Variants in MAPK1IP1L observed in about 807,000 individuals in gnomAD.
MAPK1IP1L encodes MAPK-interacting and spindle-stabilizing protein-like.
In MAPK1IP1L, 10 loss-of-function variants were observed where a neutral mutation model predicts 18.1. That is an observed-to-expected ratio of 0.55 (90% CI 0.34 to 0.94). The LOEUF (loss-of-function observed/expected upper bound fraction) is 0.94. Ranked by LOEUF, MAPK1IP1L falls within the 40% of genes least tolerant of loss-of-function variation. The pLI, the probability that MAPK1IP1L is intolerant of heterozygous loss-of-function variation, is 0.02. For missense variants in MAPK1IP1L, 260 were observed against 318.2 expected, an observed-to-expected ratio of 0.82 and a Z score of 1.39; for synonymous variants, 115 against 117.3, an observed-to-expected ratio of 0.98 and a Z score of 0.13.
rs141925702 is a variant in MAPK1IP1L at position 55,057,670 on chromosome 14, C to T, written c.-4-4010C>T. On this transcript the variant is annotated intron_variant, in intron 1 of 3. Transcript: ENST00000395468. ...ACTCAGGAGACTGAGGCACGAGAAT[C>T]GCTTAAACTGAGGAGGCGGAGGTTA... Among the ~76,000 whole-genome samples, 360 of 151,814 alleles carry T rather than the reference C, an allele frequency of 2.4e-3. 2 individuals carry two copies. The highest frequency in any genetic ancestry group is 8.4e-3 in the African/African-American group (346 of 41,356).
At chr14:55,061,412 A>G (rs2042817232) in intron 1 of MAPK1IP1L, among the ~76,000 whole-genome samples, 1 of 152,220 alleles carries the variant, frequency 6.6e-6, no homozygotes, top group African/African-American at 2.4e-5. Flanking sequence ...ATCATACTTA[A>G]AACAACTTAT....
At chr14:55,058,948 C>T (rs1566762665) in intron 1 of MAPK1IP1L, among the ~76,000 whole-genome samples, 4 of 151,450 alleles carry the variant, frequency 2.6e-5, no homozygotes, top group Admixed American at 6.6e-5. Flanking sequence ...ATGATTTATA[C>T]GGGAAGATGT....
intron 1 of MAPK1IP1L, among the ~76,000 whole-genome samples, chr14:55,052,302 C>T (rs139758400): frequency 9.5e-4 from 144 of 152,296 alleles, no homozygotes; most frequent in African/African-American, 3.3e-3. Flanking sequence ...AGGGAAAGGC[C>T]TGAAAAGATT....
intron 1 of MAPK1IP1L, among the ~76,000 whole-genome samples, chr14:55,054,203 G>T (rs2042752925): frequency 1.4e-5 from 2 of 145,330 alleles, no homozygotes; most frequent in African/African-American, 5.1e-5. Flanking sequence ...TTTGGAGACG[G>T]AGTCGCTTAC....
At chr14:55,053,578 C>T (rs189615401) in intron 1 of MAPK1IP1L, among the ~76,000 whole-genome samples, 2 of 152,248 alleles carry the variant, frequency 1.3e-5, no homozygotes, top group Admixed American at 6.5e-5. Flanking sequence ...TCAGATGAGC[C>T]GACTTTTAGT....
intron 1 of MAPK1IP1L, among the ~76,000 whole-genome samples, chr14:55,059,225 G>GAAAAAAAAAAAAAAAAAAAAAAAAACA (rs3078612): frequency 4.7e-5 from 3 of 63,280 alleles, no homozygotes; most frequent in Non-Finnish European, 6.1e-5. Context: ...AGGAAAATCT[G>GAAAAAAAAAAAAAAAAAAAAAAAAACA]AAAAAAAAAA....
At chr14:55,056,105 G>A (rs1174998112) in intron 1 of MAPK1IP1L, among the ~76,000 whole-genome samples, 5 of 152,164 alleles carry the variant, frequency 3.3e-5, no homozygotes, top group African/African-American at 1.2e-4. Flanking sequence ...AACAGAACTT[G>A]TTACTAATTC....
At position 55,063,260 on chromosome 14, in the gene MAPK1IP1L, C is replaced by T; in HGVS notation, c.661C>T (p.Pro221Ser). Residue 221 changes from proline to serine, a missense_variant, in exon 3 of 4, where the codon CCC (proline) becomes TCC (serine). By Grantham distance (74) the Pro-to-Ser change is moderately conservative. Transcript: ENST00000395468. ...TCCCACACCAGGACTCTATCCTACT[C>T]CCAGTAATCCTTTCCAAGTGCCTTC... ...SYPTPGLYPT[P>S]SNPFQVPSGP... 4 of 1,614,190 alleles carry T rather than the reference C, an allele frequency of 2.5e-6. No individual in the cohort carries two copies. The South Asian group carries it at 3.3e-5, about 13-fold the overall frequency.
In MAPK1IP1L at chr14:55,066,418, C is replaced by T. The variant is rs1233296915; in HGVS notation, c.*1791C>T. On this transcript the variant is annotated 3_prime_UTR_variant, in exon 4 of 4. Coordinates refer to ENST00000395468, the MANE Select transcript of MAPK1IP1L (RefSeq NM_144578.4). ...GTTAGCTTTTTCTTTCACTTCTCTT[C>T]AAGGACAGGTGTTAGCTGTCTACAA... 2 of 140,064 alleles carry T rather than the reference C, an allele frequency of 1.4e-5. No individual in the cohort carries two copies. The highest frequency in any genetic ancestry group is 3.1e-5 in the Non-Finnish European group (2 of 64,894). 8.7% of individuals were successfully genotyped at this position (140,064 alleles called of 1,614,324 possible).
chr14:55,065,994 C>T lies in MAPK1IP1L; in HGVS notation c.*1367C>T, dbSNP rs1157646682. 6.6e-6 allele frequency: 1 copy of T among 151,476 alleles called. No homozygotes were observed. Among genetic ancestry groups the T allele is most frequent in the Non-Finnish European group, 1.5e-5 (1 of 67,942 alleles). The allele number at this position is 151,476 out of a possible 1,614,324, so 9.4% of individuals were successfully genotyped here. ...TTTATAACCACCAAAAAAAAAAAGC[C>T]CTGGTAGTTTTTTGGCACCTTATGT... On this transcript the variant is annotated 3_prime_UTR_variant, in exon 4 of 4. Transcript: ENST00000395468.
intron 1 of MAPK1IP1L, among the ~76,000 whole-genome samples, chr14:55,060,034 C>T (rs972427457): frequency 3.3e-5 from 5 of 151,410 alleles, no homozygotes; most frequent in African/African-American, 1.2e-4. Context: ...AAATATATCA[C>T]AAAATCCAGA....
rs946229856 is a variant in MAPK1IP1L at position 55,068,084 on chromosome 14, T to G, written c.*3457T>G. 18 of 152,236 alleles carry G rather than the reference T, an allele frequency of 1.2e-4. No homozygotes were observed. The highest frequency in any genetic ancestry group is 4.3e-4 in the African/African-American group (18 of 41,456). The allele number at this position is 152,236 out of a possible 1,614,324, so 9.4% of individuals were successfully genotyped here. ...CTTTTCATGCTTTTGAAGACACCAT[T>G]TACAGCTCTGACTCAGCCCTATTTT... On this transcript the variant is annotated 3_prime_UTR_variant, in exon 4 of 4. Transcript: ENST00000395468.
chr14:55,057,088 TTAAAAA>T (rs1319172721), intron 1 of MAPK1IP1L, among the ~76,000 whole-genome samples: 2 of 152,198 alleles, frequency 1.3e-5, no homozygotes, highest in African/African-American at 4.8e-5. Flanking sequence ...TAGGCATAAA[TTAAAAA>T]TAATGTAATT....
rs968363555 is a variant in MAPK1IP1L, at chr14:55,067,209, T to A, written c.*2582T>A. On this transcript the variant is annotated 3_prime_UTR_variant, in exon 4 of 4. Transcript: ENST00000395468. ...GTGAGCCACCACGTCCGGCCGATTT[T>A]TTTTTTTTTTTTTAATGTAAGAATG... 2.7e-5 allele frequency: 4 copies of A among 147,678 alleles called. No homozygotes were observed. The highest frequency in any genetic ancestry group is 9.9e-5 in the African/African-American group (4 of 40,288). 9.1% of individuals were successfully genotyped at this position (147,678 alleles called of 1,614,324 possible). A position where few individuals can be genotyped will look rare whatever the true frequency, so the allele number is the denominator to read the frequency against.
rs549432817 is a variant in MAPK1IP1L at position 55,069,809 on chromosome 14, G to A, written c.*5182G>A. Reference sequence around the variant, plus strand: ...TGGTAACCAGATTATCCGTATATATGATAATATGAAGTCAGGGAACTTTCT... The same window carrying A: ...TGGTAACCAGATTATCCGTATATATAATAATATGAAGTCAGGGAACTTTCT... On this transcript the variant is annotated 3_prime_UTR_variant, in exon 4 of 4. Transcript: ENST00000395468. 7 of 152,218 alleles carry A rather than the reference G, an allele frequency of 4.6e-5. No homozygotes were observed. Among genetic ancestry groups the A allele is most frequent in the African/African-American group, 1.7e-4 (7 of 41,542 alleles). 9.4% of individuals were successfully genotyped at this position (152,218 alleles called of 1,614,324 possible).
rs950602833 is a variant in MAPK1IP1L, at chr14:55,064,679, G to A, written c.*52G>A. The A allele has an allele frequency of 3.2e-6, 5 of 1,556,904 alleles. No homozygotes were observed. Among genetic ancestry groups the A allele is most frequent in the Non-Finnish European group, 3.5e-6 (4 of 1,133,876 alleles). On this transcript the variant is annotated 3_prime_UTR_variant, in exon 4 of 4. Coordinates refer to ENST00000395468, the MANE Select transcript of MAPK1IP1L (RefSeq NM_144578.4). Reference sequence around the variant, plus strand: ...TTTGCTTTTTGAAGTACATGTATATGCACATGAATGCATATATAAAAATTG... The same window carrying A: ...TTTGCTTTTTGAAGTACATGTATATACACATGAATGCATATATAAAAATTG...
chr14:55,052,916 A>C (rs2042742232), intron 1 of MAPK1IP1L, among the ~76,000 whole-genome samples: 1 of 152,234 alleles, frequency 6.6e-6, no homozygotes. Context: ...GAATTCAAAA[A>C]TACTTGGATT....
Position 55,063,125 on chromosome 14 carries a change from GCTC to G in MAPK1IP1L, c.537_539del (p.Pro180del), listed in dbSNP as rs753230397. 8.7e-6 allele frequency: 14 copies of G among 1,613,414 alleles called. No individual in the cohort carries two copies. The highest frequency in any genetic ancestry group is 6.6e-5 in the South Asian group (6 of 91,048). ...ATATCCATCTCCAGGCCCATATCCC[GCTC>G]CTCCTCCTCCCCAAGCCCCTGGGGC... is the stretch of plus-strand genomic sequence containing the variant. On this transcript the variant is annotated inframe_deletion, in exon 3 of 4. Transcript: ENST00000395468.
intron 3 of MAPK1IP1L, 121 bp from the exon 4 acceptor site, chr14:55,064,495 T>C: frequency 1.3e-6 from 1 of 784,268 alleles, no homozygotes; most frequent in Non-Finnish European, 2.2e-6. Context: ...TATGCCAGAG[T>C]AAATGATGTG....
Sources: gnomAD v4.1 joint callset for allele counts (sites outside exome capture counted in the v4.1 genomes callset) on GRCh38, gnomAD v4.1.1 for gene constraint, MANE v1.5 for transcripts, NCBI Gene and HGNC (gene_info 2026-07-23, HGNC 2026-07-21) for gene names.